SH3KBP1: variants seen among roughly 807,000 people sequenced by gnomAD.
SH3KBP1 encodes SH3 domain-containing kinase-binding protein 1.
In SH3KBP1, 8 loss-of-function variants were observed where a neutral mutation model predicts 50.1. That is an observed-to-expected ratio of 0.16 (90% CI 0.09 to 0.29). The LOEUF is 0.29. Among genes scored for constraint, SH3KBP1 ranks in the 10% least tolerant of loss-of-function variants. The pLI, the probability that SH3KBP1 is intolerant of heterozygous loss-of-function variation, is 1.00. For synonymous variants in SH3KBP1, 227 were observed against 218.6 expected, an observed-to-expected ratio of 1.04 and a Z score of -0.34; for missense variants, 377 against 535.2, an observed-to-expected ratio of 0.70 and a Z score of 2.92.
At chrX:19,615,274 G>A (rs1242902767) in intron 8 of SH3KBP1, among the ~76,000 whole-genome samples, 1 of 112,404 alleles carries the variant, frequency 8.9e-6, no homozygotes, top group East Asian at 2.8e-4. Context: ...TACACCACTT[G>A]ATGCAAACGA....
chrX:19,828,652 C>T (rs1472122764), intron 2 of SH3KBP1, among the ~76,000 whole-genome samples: 1 of 110,931 alleles, frequency 9.0e-6, no homozygotes, highest in Non-Finnish European at 1.9e-5. Flanking sequence ...GGTGAGGTGG[C>T]ATATACCTGT....
chrX:19,748,434 C>G (rs1174981489), intron 2 of SH3KBP1, among the ~76,000 whole-genome samples: 1 of 111,100 alleles, frequency 9.0e-6, no homozygotes, highest in Non-Finnish European at 1.9e-5. Context: ...CAGAGCAGCA[C>G]GTGGGGAGCA....
chrX:19,828,789 T>A (rs1248666517), intron 2 of SH3KBP1, among the ~76,000 whole-genome samples: 1 of 110,791 alleles, frequency 9.0e-6, no homozygotes, highest in Non-Finnish European at 1.9e-5. Flanking sequence ...CTAAAAAAAA[T>A]AAAAAAATAA....
chrX:19,601,876 G>GA (rs772622200), intron 9 of SH3KBP1, among the ~76,000 whole-genome samples: 4 of 111,257 alleles, frequency 3.6e-5, no homozygotes, highest in African/African-American at 9.8e-5. Flanking sequence ...ACCCGCACTG[G>GA]AGATCCCCAG....
At chrX:19,842,970 T>C (rs1449836476) in intron 1 of SH3KBP1, among the ~76,000 whole-genome samples, 1 of 108,841 alleles carries the variant, frequency 9.2e-6, no homozygotes, top group African/African-American at 3.3e-5. Flanking sequence ...TTTCTTTTAC[T>C]TAAAACCAGA....
rs781609512 is a variant in SH3KBP1, at chrX:19,592,129, T to C, written c.1076A>G (p.His359Arg). ...KQGAGTTERKHEIKKIPPERP... is the reference protein window; with the variant it reads ...KQGAGTTERKREIKKIPPERP... ...TTCAGGAGGTATCTTTTTAATTTCA[T>C]GTTTTCTCTCAGTGGTGCCTAGGAG... The change falls in exon 11 of 18, where the codon CAT becomes CGT. Residue 359 changes from histidine (H) to arginine (R), a missense_variant. Transcript: ENST00000397821. 3 of 1,204,605 alleles carry C rather than the reference T, an allele frequency of 2.5e-6. No homozygotes were observed. Among genetic ancestry groups the C allele is most frequent in the East Asian group, 3.0e-5 (1 of 33,827 alleles).
chrX:19,549,448 C>T (rs370797880), intron 14 of SH3KBP1, among the ~76,000 whole-genome samples: 1 of 111,267 alleles, frequency 9.0e-6, no homozygotes, highest in South Asian at 3.8e-4. Context: ...CTGAGTGTTC[C>T]AATCAGTCTC....
chrX:19,862,774 T>C (rs1321853937), intron 1 of SH3KBP1, among the ~76,000 whole-genome samples: 1 of 112,113 alleles, frequency 8.9e-6, no homozygotes, highest in East Asian at 2.8e-4. Flanking sequence ...ATCCTTATCC[T>C]AAAAGAGGTC....
chrX:19,724,306 C>A (rs998540652), intron 3 of SH3KBP1, among the ~76,000 whole-genome samples: 2 of 112,344 alleles, frequency 1.8e-5, no homozygotes, highest in African/African-American at 6.5e-5. Context: ...CCACATTAAT[C>A]TCCCCAACAA....
chrX:19,634,266 T>C (rs2061651560), intron 7 of SH3KBP1, among the ~76,000 whole-genome samples: 1 of 110,156 alleles, frequency 9.1e-6, no homozygotes. Context: ...CAGTTTTATC[T>C]TTGTTGGACG....
chrX:19,798,465 G>A (rs750005036), intron 2 of SH3KBP1, among the ~76,000 whole-genome samples: 6 of 111,176 alleles, frequency 5.4e-5, no homozygotes, highest in South Asian at 3.8e-4. Flanking sequence ...AAAGCTGGAC[G>A]GGAAAGGGGT....
chrX:19,614,026 A>G (rs2067521390), intron 8 of SH3KBP1, among the ~76,000 whole-genome samples: 1 of 113,043 alleles, frequency 8.8e-6, no homozygotes, highest in Admixed American at 9.3e-5. Context: ...CTGCTTAATT[A>G]CACTCATGTG....
intron 6 of SH3KBP1, among the ~76,000 whole-genome samples, chrX:19,658,529 C>T (rs990298761): frequency 1.8e-5 from 2 of 111,726 alleles, no homozygotes; most frequent in Non-Finnish European, 3.8e-5. Flanking sequence ...GAGAACATTA[C>T]ATCAGGTTAC....
chrX:19,749,507 T>C (rs190105322), intron 2 of SH3KBP1, among the ~76,000 whole-genome samples: 1 of 113,066 alleles, frequency 8.8e-6, no homozygotes, highest in Non-Finnish European at 1.9e-5. Flanking sequence ...TTCTGATACA[T>C]GCTACAACAT....
intron 6 of SH3KBP1, among the ~76,000 whole-genome samples, chrX:19,666,169 C>T (rs2062592555): frequency 9.3e-6 from 1 of 107,777 alleles, no homozygotes; most frequent in Non-Finnish European, 1.9e-5. Context: ...TAAGGAATTC[C>T]AGAGTAGAAG....
chrX:19,545,974 T>C lies in SH3KBP1; in HGVS notation c.1571A>G (p.His524Arg), dbSNP rs1432772544. 6 of 1,209,144 alleles carry C rather than the reference T, an allele frequency of 5.0e-6. No individual in the cohort carries two copies. In the South Asian group the frequency reaches 1.1e-4, roughly 21 times the overall value. Reference protein sequence around the residue: ...EDKEEHISLAHRGVDASKKTS... With the variant: ...EDKEEHISLARRGVDASKKTS... Reference sequence around the variant, plus strand: ...TTTCTTTGACGCGTCCACTCCTCTGTGCGCAAGTGAAATGTGTTCCTCCTT... The same window carrying C: ...TTTCTTTGACGCGTCCACTCCTCTGCGCGCAAGTGAAATGTGTTCCTCCTT... The change falls in exon 15 of 18, where the codon CAC becomes CGC. Residue 524 changes from histidine (H) to arginine (R), a missense_variant. Around this residue, in one of 3 missense-constraint regions of SH3KBP1, gnomAD observed 110 missense variants for 124.1 expected, o/e 0.89. Transcript: ENST00000397821.
intron 16 of SH3KBP1, among the ~76,000 whole-genome samples, chrX:19,539,918 G>T (rs752091695): frequency 3.6e-5 from 4 of 111,820 alleles, no homozygotes; most frequent in Admixed American, 2.8e-4. Flanking sequence ...CTATTTGCAG[G>T]CTTCACAGTG....
At chrX:19,778,215 G>C (rs2066044335) in intron 2 of SH3KBP1, among the ~76,000 whole-genome samples, 1 of 110,507 alleles carries the variant, frequency 9.0e-6, no homozygotes, top group African/African-American at 3.3e-5. Context: ...GGTGGATCAC[G>C]AGGTCAGGAG....
At position 19,541,113 on chromosome X, in the gene SH3KBP1, C is replaced by T. The variant is rs192473231; in HGVS notation, c.1892+812G>A. On this transcript the variant is annotated intron_variant, in intron 16 of 17. Coordinates refer to ENST00000397821, the MANE Select transcript of SH3KBP1 (RefSeq NM_031892.3). ...TGTATTTTTAGTAGAGACAGGGTTT[C>T]GCCATGTTGGCCAGGCTAGTCTCAA... Among the ~76,000 whole-genome samples, 64 of 111,499 alleles carry T rather than the reference C, an allele frequency of 5.7e-4. 1 individual carries two copies. In the East Asian group the frequency reaches 9.3e-3, roughly 16 times the overall value.
Sources: gnomAD v4.1 joint callset for allele counts (sites outside exome capture counted in the v4.1 genomes callset) on GRCh38, gnomAD v4.1.1 for gene constraint, gnomAD v4.1.1 regional missense constraint, MANE v1.5 for transcripts, NCBI Gene and HGNC (gene_info 2026-07-23, HGNC 2026-07-21) for gene names.